Variants in GABRB3 observed in about 807,000 individuals in gnomAD.
The protein encoded by GABRB3 is gamma-aminobutyric acid type A receptor subunit beta3.
Under a neutral mutation model 52.1 loss-of-function variants are expected in GABRB3, and 14 were observed. That is an observed-to-expected ratio of 0.27 (90% CI 0.18 to 0.42). GABRB3 has a LOEUF of 0.42. GABRB3 is among the 10% of genes least tolerant of loss of function. The pLI, the probability that GABRB3 is intolerant of heterozygous loss-of-function variation, is 1.00. For missense variants in GABRB3, 307 were observed against 609.1 expected (o/e 0.50, Z 5.22); for synonymous variants, 260 against 232.3 (o/e 1.12, Z -1.08).
At chr15:26,642,083 G>C (rs1407894732) in intron 3 of GABRB3, among the ~76,000 whole-genome samples, 2 of 152,038 alleles carry the variant, frequency 1.3e-5, no homozygotes, top group African/African-American at 2.4e-5. Context: ...TTGCGAGACA[G>C]GGTCTCATCA....
At chr15:26,684,637 T>C (rs929686929) in intron 3 of GABRB3, among the ~76,000 whole-genome samples, 2 of 152,094 alleles carry the variant, frequency 1.3e-5, no homozygotes, top group Admixed American at 1.3e-4. Flanking sequence ...CAGGCCATGG[T>C]AGGGTTATTA....
chr15:26,683,620 C>T (rs73370128), intron 3 of GABRB3, among the ~76,000 whole-genome samples: 1,651 of 152,278 alleles, frequency 0.011, 20 homozygotes, highest in African/African-American at 0.038. Context: ...CTGCCACCCT[C>T]GTCTCCTGGA....
intron 3 of GABRB3, among the ~76,000 whole-genome samples, chr15:26,771,043 G>A (rs979431480): frequency 2.0e-5 from 3 of 152,160 alleles, no homozygotes; most frequent in African/African-American, 7.2e-5. Flanking sequence ...ACATGGGATT[G>A]TAAATTTAAA....
chr15:26,746,505 TC>T (rs904432321), intron 3 of GABRB3, among the ~76,000 whole-genome samples: 34 of 152,172 alleles, frequency 2.2e-4, no homozygotes, highest in African/African-American at 8.2e-4. Flanking sequence ...TAAGAATTCT[TC>T]TTCTAGCCCT....
At chr15:26,686,097 C>A (rs1265804472) in intron 3 of GABRB3, among the ~76,000 whole-genome samples, 1 of 152,076 alleles carries the variant, frequency 6.6e-6, no homozygotes, top group Non-Finnish European at 1.5e-5. Context: ...TGTGTGCCAC[C>A]ATACCTGACT....
chr15:26,751,075 G>A (rs923726236), intron 3 of GABRB3, among the ~76,000 whole-genome samples: 2 of 152,056 alleles, frequency 1.3e-5, no homozygotes, highest in Non-Finnish European at 2.9e-5. Context: ...AATCTTTCCA[G>A]ATAACAAAAG....
intron 3 of GABRB3, among the ~76,000 whole-genome samples, chr15:26,770,011 C>T (rs1004801205): frequency 2.6e-5 from 4 of 152,156 alleles, no homozygotes; most frequent in African/African-American, 9.7e-5. Context: ...AGCTCTAATC[C>T]TATGCTTATA....
At chr15:26,694,737 A>G (rs1566808624) in intron 3 of GABRB3, among the ~76,000 whole-genome samples, 1 of 152,248 alleles carries the variant, frequency 6.6e-6, no homozygotes, top group Non-Finnish European at 1.5e-5. Flanking sequence ...GATACAGCAG[A>G]GATTTTGTAA....
At chr15:26,614,953 T>G (rs1245471904) in intron 4 of GABRB3, 1 of 151,402 alleles carries the variant, frequency 6.6e-6, no homozygotes, top group South Asian at 2.1e-4. Flanking sequence ...CAGGTGCTTT[T>G]TGGAGCAAAG....
rs534073016 is a variant in GABRB3 at position 26,729,306 on chromosome 15, T to C, written c.240+43096A>G. 5.9e-5 allele frequency among the ~76,000 whole-genome samples: 9 copies of C among 152,212 alleles called. No homozygotes were observed. The South Asian group carries it at 1.7e-3, about 28-fold the overall frequency. Reference sequence around the variant, plus strand: ...CATGTAGGTAATAAACCTACAGCTTTAGTCTGGCAGACTGACCCACCATCC... The same window carrying C: ...CATGTAGGTAATAAACCTACAGCTTCAGTCTGGCAGACTGACCCACCATCC... On this transcript the variant is annotated intron_variant, in intron 3 of 8. Transcript: ENST00000311550.
intron 3 of GABRB3, among the ~76,000 whole-genome samples, chr15:26,765,510 C>G (rs1180349982): frequency 6.6e-6 from 1 of 152,162 alleles, no homozygotes; most frequent in Non-Finnish European, 1.5e-5. Context: ...AGCCCAAATT[C>G]CGAGACATTA....
intron 3 of GABRB3, among the ~76,000 whole-genome samples, chr15:26,622,700 T>A (rs1892532049): frequency 6.6e-6 from 1 of 152,204 alleles, no homozygotes; most frequent in Non-Finnish European, 1.5e-5. Context: ...GCAGGGCAAT[T>A]CACGGTGTTG....
At chr15:26,592,998 G>C (rs1324645367) in intron 4 of GABRB3, among the ~76,000 whole-genome samples, 2 of 152,104 alleles carry the variant, frequency 1.3e-5, no homozygotes, top group Non-Finnish European at 1.5e-5. Flanking sequence ...CTGGGCAACA[G>C]AGTGAGACTC....
chr15:26,711,266 G>A (rs1360531514), intron 3 of GABRB3, among the ~76,000 whole-genome samples: 1 of 152,134 alleles, frequency 6.6e-6, no homozygotes, highest in Admixed American at 6.5e-5. Flanking sequence ...TTTCTATGAG[G>A]ATGTCGGCTG....
intron 3 of GABRB3, among the ~76,000 whole-genome samples, chr15:26,664,053 A>AT (rs1420692224): frequency 2.6e-5 from 4 of 151,990 alleles, no homozygotes; most frequent in East Asian, 1.9e-4. Flanking sequence ...TTTCCTCTAC[A>AT]TTTTTTTAAT....
chr15:26,672,439 A>C (rs1045626098), intron 3 of GABRB3, among the ~76,000 whole-genome samples: 1 of 152,104 alleles, frequency 6.6e-6, no homozygotes, highest in Admixed American at 6.5e-5. Flanking sequence ...TCTTCCGTAA[A>C]TGGAGTTTCT....
intron 3 of GABRB3, among the ~76,000 whole-genome samples, chr15:26,654,823 G>A (rs1385993798): frequency 6.6e-6 from 1 of 151,914 alleles, no homozygotes; most frequent in Non-Finnish European, 1.5e-5. Context: ...TTTGTTTTTG[G>A]TTTTGGTTTT....
chr15:26,679,149 T>TG (rs2140644538), intron 3 of GABRB3, among the ~76,000 whole-genome samples: 1 of 152,190 alleles, frequency 6.6e-6, no homozygotes, highest in South Asian at 2.1e-4. Flanking sequence ...ACATGAGGTG[T>TG]GGGTTGTTGT....
At chr15:26,606,772 A>ATAGATATATCTATCAATAGATATATC (rs1566770499) in intron 4 of GABRB3, among the ~76,000 whole-genome samples, 2 of 81,684 alleles carry the variant, frequency 2.4e-5, no homozygotes, top group South Asian at 4.6e-4. Flanking sequence ...GTCTATCTAT[A>ATAGATATATCTATCAATAGATATATC]GATAGATAGA....
Sources: gnomAD v4.1 joint callset for allele counts (sites outside exome capture counted in the v4.1 genomes callset) on GRCh38, gnomAD v4.1.1 for gene constraint, MANE v1.5 for transcripts, NCBI Gene and HGNC (gene_info 2026-07-23, HGNC 2026-07-21) for gene names.